SCG3: variants seen among roughly 807,000 people sequenced by gnomAD.
The protein encoded by SCG3 is secretogranin-3.
SCG3 carries 38 observed loss-of-function variants against 56.2 expected under a neutral mutation model. The observed-to-expected ratio is 0.68, with a 90% CI of 0.52 to 0.89. The LOEUF (loss-of-function observed/expected upper bound fraction) is 0.89, where lower values mean the gene tolerates loss of function less well. SCG3 is among the 40% of genes least tolerant of loss of function. The pLI is 0.00. For synonymous variants in SCG3, 176 were observed against 184.2 expected, an observed-to-expected ratio of 0.96 and a Z score of 0.36; for missense variants, 524 against 540.7, an observed-to-expected ratio of 0.97 and a Z score of 0.31.
Position 51,695,648 on chromosome 15 carries a change from C to T in SCG3, c.869-227C>T, listed in dbSNP as rs545896756. On this transcript the variant is annotated intron_variant, in intron 7 of 11. Transcript: ENST00000220478. Reference sequence around the variant, plus strand: ...TGGTGTTTACCTATAGTTCCAACTTCATGGAAGGATCTCTTGAGTGCAGGA... The same window carrying T: ...TGGTGTTTACCTATAGTTCCAACTTTATGGAAGGATCTCTTGAGTGCAGGA... 95 of 382,386 alleles carry T rather than the reference C, an allele frequency of 2.5e-4. 1 individual carries two copies. Among genetic ancestry groups the T allele is most frequent in the Non-Finnish European group, 3.2e-5 (7 of 217,046 alleles). The allele number at this position is 382,386 out of a possible 1,614,324, so 23.7% of individuals were successfully genotyped here.
rs538630317 is a variant in SCG3 at position 51,692,689 on chromosome 15, C to G, written c.868+353C>G. Among the ~76,000 whole-genome samples the G allele has an allele frequency of 2.0e-5, 3 of 152,184 alleles. No homozygotes were observed. The East Asian group carries it at 5.8e-4, about 29-fold the overall frequency. ...TGTCCTTGCTCTGACCCAGTTCAAC[C>G]TCAACTCTTATTGCAACTCTTTTTT... On this transcript the variant is annotated intron_variant, in intron 7 of 11. Transcript: ENST00000220478.
At chr15:51,698,950 A>T (rs940968633) in intron 8 of SCG3, among the ~76,000 whole-genome samples, 2 of 152,184 alleles carry the variant, frequency 1.3e-5, no homozygotes, top group Non-Finnish European at 2.9e-5. Flanking sequence ...TCTGAGAGTG[A>T]GCCAGGGTTA....
At chr15:51,692,104 A>G in intron 6 of SCG3, 55 bp from the exon 7 acceptor site, 4 of 1,486,670 alleles carry the variant, frequency 2.7e-6, no homozygotes, top group Non-Finnish European at 1.8e-6. Context: ...ATCAAGCTGG[A>G]GTTTCACTAG....
At chr15:51,695,774 A>C (rs2055299058) in intron 7 of SCG3, 101 bp from the exon 8 acceptor site, 5 of 734,808 alleles carry the variant, frequency 6.8e-6, no homozygotes, top group Non-Finnish European at 1.2e-5. Context: ...AAAAAAAAAA[A>C]AACCCAAACA....
chr15:51,707,526 A>C (rs995401507), intron 10 of SCG3, among the ~76,000 whole-genome samples: 2 of 152,208 alleles, frequency 1.3e-5, no homozygotes, highest in Admixed American at 1.3e-4. Flanking sequence ...AAGGACAGAA[A>C]AGGGGAATTT....
rs1457824186 is a variant in SCG3, at chr15:51,719,649, GTAGT to G, written c.*126_*129del. The stretch of plus-strand genomic sequence containing the variant: ...GTTATTAGAAAGTGCTGAATTTACA[GTAGT>G]TAACCTTTTACAAGTGGTTAAAACA... On this transcript the variant is annotated 3_prime_UTR_variant, in exon 12 of 12. Transcript: ENST00000220478. 5 of 636,992 alleles carry G rather than the reference GTAGT, an allele frequency of 7.8e-6. No homozygotes were observed. Among genetic ancestry groups the G allele is most frequent in the East Asian group, 2.8e-5 (1 of 36,160 alleles). 39.5% of individuals were successfully genotyped at this position (636,992 alleles called of 1,614,324 possible).
intron 4 of SCG3, among the ~76,000 whole-genome samples, chr15:51,686,627 T>C (rs866124516): frequency 2.7e-4 from 41 of 152,338 alleles, no homozygotes; most frequent in Admixed American, 7.8e-4. Context: ...TCTCTGCTCC[T>C]GAAAAATAGA....
chr15:51,713,338 A>C lies in SCG3; in HGVS notation c.1213A>C (p.Thr405Pro), dbSNP rs1207834234. Residue 405 changes from threonine (T) to proline (P), a missense_variant, in exon 11 of 12, where the codon ACA becomes CCA. Transcript: ENST00000220478. The part of the protein sequence containing the change: ...GGKTDEPKGK[T>P]EAYLEAIRKN... ...AGTTCTCTTACCTCTTCCAGGAAAA[A>C]CAGAAGCCTATTTGGAAGCCATCAG... The C allele has an allele frequency of 3.1e-6, 5 of 1,593,734 alleles. No homozygotes were observed. The highest frequency in any genetic ancestry group is 4.3e-6 in the Non-Finnish European group (5 of 1,171,340).
At chr15:51,700,964 T>A (rs774629576) in intron 9 of SCG3, 143 bp from the exon 10 acceptor site, 3 of 1,008,154 alleles carry the variant, frequency 3.0e-6, no homozygotes, top group Non-Finnish European at 4.4e-6. Flanking sequence ...AAGGGTTGGA[T>A]TAGATAAGCA....
intron 6 of SCG3, among the ~76,000 whole-genome samples, chr15:51,691,200 C>G (rs1401264217): frequency 6.6e-6 from 1 of 152,150 alleles, no homozygotes; most frequent in African/African-American, 2.4e-5. Context: ...CACAGTGTTG[C>G]TGGCACAGAA....
In SCG3 at chr15:51,689,323, C is replaced by T; in HGVS notation, c.645C>T (p.Pro215=). ...ANNYEEDPNK[P]TSWTENQAGK... is the part of the protein sequence containing the mutation. ...ATTATGAGGAGGATCCCAATAAGCC[C>T]ACAAGCTGGACTGAGAATCAGGCTG... The change falls in exon 6 of 12, where the codon CCC becomes CCT. Residue 215 remains proline (P), a synonymous_variant. Transcript: ENST00000220478. 1 of 1,613,864 alleles carries T rather than the reference C, an allele frequency of 6.2e-7. No individual in the cohort carries two copies. Among genetic ancestry groups the T allele is most frequent in the South Asian group, 1.1e-5 (1 of 91,066 alleles).
At chr15:51,688,138 A>T in intron 4 of SCG3, 122 bp from the exon 5 acceptor site, 1 of 941,256 alleles carries the variant, frequency 1.1e-6, no homozygotes, top group Non-Finnish European at 1.5e-6. Flanking sequence ...ACCGAGAACC[A>T]CCATAAATAC....
At position 51,681,658 on chromosome 15, in the gene SCG3, C is replaced by CAGGG; in HGVS notation, c.-98_-97insAGGG. On this transcript the variant is annotated 5_prime_UTR_variant, in exon 1 of 12. Coordinates refer to ENST00000220478, the MANE Select transcript of SCG3 (RefSeq NM_013243.4). ...CCTCTCCCGCCCCACACCCACCCTCCTGGCTCTTCCTGTTTTTACTCCTCC... is the reference window on the plus strand; with the variant it reads ...CCTCTCCCGCCCCACACCCACCCTCCAGGGTGGCTCTTCCTGTTTTTACTCCTCC... The CAGGG allele has an allele frequency of 1.3e-6, 1 of 754,782 alleles. No homozygotes were observed. The highest frequency in any genetic ancestry group is 2.3e-6 in the Non-Finnish European group (1 of 428,514). 46.8% of individuals were successfully genotyped at this position (754,782 alleles called of 1,614,324 possible).
chr15:51,684,483 A>G (rs1309288646), intron 4 of SCG3, among the ~76,000 whole-genome samples: 1 of 152,202 alleles, frequency 6.6e-6, no homozygotes, highest in Non-Finnish European at 1.5e-5. Flanking sequence ...AGGCTGAGGC[A>G]GGAGAATCAC....
chr15:51,709,809 C>T (rs1387964298), intron 10 of SCG3, among the ~76,000 whole-genome samples: 1 of 139,706 alleles, frequency 7.2e-6, no homozygotes, highest in Non-Finnish European at 1.5e-5. Context: ...CAAGCTCCGC[C>T]TCCCGGGTTC....
At chr15:51,694,847 A>G (rs1449612586) in intron 7 of SCG3, among the ~76,000 whole-genome samples, 1 of 152,168 alleles carries the variant, frequency 6.6e-6, no homozygotes. Context: ...CCTGGCCAAC[A>G]TGGTGAAACC....
chr15:51,702,708 G>A (rs2055347390), intron 10 of SCG3, among the ~76,000 whole-genome samples: 1 of 152,166 alleles, frequency 6.6e-6, no homozygotes, highest in South Asian at 2.1e-4. Flanking sequence ...TTACAAAGTT[G>A]TGCTAGTTAC....
intron 4 of SCG3, 45 bp from the exon 5 acceptor site, chr15:51,688,215 A>G (rs2141560449): frequency 1.3e-6 from 2 of 1,558,968 alleles, no homozygotes; most frequent in South Asian, 1.2e-5. Context: ...TGCATGAAAT[A>G]GATCTATGAT....
At chr15:51,701,731 C>T (rs2055340603) in intron 10 of SCG3, among the ~76,000 whole-genome samples, 1 of 152,152 alleles carries the variant, frequency 6.6e-6, no homozygotes, top group Non-Finnish European at 1.5e-5. Context: ...CATGGAAAAA[C>T]CTCATTTCTA....
Sources: allele counts gnomAD v4.1 joint callset (sites outside exome capture counted in the v4.1 genomes callset), GRCh38; gene constraint gnomAD v4.1.1; transcripts MANE v1.5; gene names NCBI Gene and HGNC (gene_info 2026-07-23, HGNC 2026-07-21).